Variants in SPSB1 observed in about 807,000 individuals in gnomAD.
SPSB1 encodes splA/ryanodine receptor domain and SOCS box containing 1.
A neutral mutation model predicts 21.2 loss-of-function variants in SPSB1; 8 were observed. The observed-to-expected ratio is 0.38, with a 90% CI of 0.22 to 0.68. SPSB1 has a LOEUF of 0.68. SPSB1 is among the 30% of genes least tolerant of loss of function. The probability of loss-of-function intolerance (pLI) is 0.53; values close to 1 mark genes in which losing one functional copy is unlikely to be tolerated. For synonymous variants in SPSB1, 169 were observed against 161.7 expected, an observed-to-expected ratio of 1.05 and a Z score of -0.34; for missense variants, 242 against 377.8, an observed-to-expected ratio of 0.64 and a Z score of 2.98.
rs1319582703 is a variant in SPSB1, at chr1:9,345,458, C to T, written c.-149-10285C>T. Among the ~76,000 whole-genome samples, 2 of 152,140 alleles carry T rather than the reference C, an allele frequency of 1.3e-5. No homozygotes were observed. Among genetic ancestry groups the T allele is most frequent in the Non-Finnish European group, 2.9e-5 (2 of 68,042 alleles). On this transcript the variant is annotated intron_variant, in intron 1 of 2. Coordinates refer to ENST00000328089, the MANE Select transcript of SPSB1 (RefSeq NM_025106.4). The surrounding 1 kb of genome is among the most constrained non-coding windows in gnomAD (Gnocchi z 4.8). ...ATAGTCCACGTTTTATTCCTCTTGC[C>T]GTGGGAGGGCATGTCTGCTGCTGTC...
chr1:9,310,708 A>G (rs1639503873), intron 1 of SPSB1, among the ~76,000 whole-genome samples: 1 of 150,856 alleles, frequency 6.6e-6, no homozygotes, highest in Non-Finnish European at 1.5e-5. Flanking sequence ...AAAAAAAAAA[A>G]GAGAGACCTG....
chr1:9,319,968 C>T (rs890856294), intron 1 of SPSB1, among the ~76,000 whole-genome samples: 1 of 152,078 alleles, frequency 6.6e-6, no homozygotes, highest in Non-Finnish European at 1.5e-5. Context: ...CAGGCCTGGT[C>T]CCTGGGGTCA....
At chr1:9,298,625 G>C (rs1557443233) in intron 1 of SPSB1, among the ~76,000 whole-genome samples, 1 of 152,178 alleles carries the variant, frequency 6.6e-6, no homozygotes, top group Non-Finnish European at 1.5e-5. Flanking sequence ...ATTGTTCGGG[G>C]ATAACTGGTT....
intron 2 of SPSB1, among the ~76,000 whole-genome samples, chr1:9,357,196 G>A (rs147668996): frequency 2.5e-4 from 37 of 150,662 alleles, no homozygotes; most frequent in African/African-American, 8.0e-4. Context: ...TGGATGGATG[G>A]ATGGGTGGAT....
intron 2 of SPSB1, among the ~76,000 whole-genome samples, chr1:9,361,836 A>C (rs1640485885): frequency 6.6e-6 from 1 of 151,854 alleles, no homozygotes; most frequent in Non-Finnish European, 1.5e-5. Flanking sequence ...CCTGCCCGCC[A>C]CCCTCCCTGG....
intron 1 of SPSB1, among the ~76,000 whole-genome samples, chr1:9,353,117 G>C (rs916604817): frequency 1.3e-5 from 2 of 152,110 alleles, no homozygotes; most frequent in African/African-American, 4.8e-5. Context: ...GCTGGAGGGG[G>C]TGTCCAGACA....
intron 2 of SPSB1, among the ~76,000 whole-genome samples, chr1:9,362,566 G>C (rs1306824877): frequency 6.6e-6 from 1 of 152,360 alleles, no homozygotes; most frequent in East Asian, 1.9e-4. Flanking sequence ...GCGGAAGCCG[G>C]GGCATTCTCT....
At chr1:9,331,892 C>T (rs1293765022) in intron 1 of SPSB1, among the ~76,000 whole-genome samples, 2 of 152,194 alleles carry the variant, frequency 1.3e-5, no homozygotes, top group East Asian at 1.9e-4. Context: ...AGTTTACTTA[C>T]TGTTTGCATT....
At chr1:9,323,642 G>C (rs1639762078) in intron 1 of SPSB1, among the ~76,000 whole-genome samples, 1 of 152,236 alleles carries the variant, frequency 6.6e-6, no homozygotes, top group South Asian at 2.1e-4. Context: ...CCTGCATGGA[G>C]ATGGTCTTGC....
At chr1:9,358,173 G>A (rs954084058) in intron 2 of SPSB1, among the ~76,000 whole-genome samples, 7 of 152,192 alleles carry the variant, frequency 4.6e-5, no homozygotes, top group Non-Finnish European at 5.9e-5. Flanking sequence ...GGAAAGTGTC[G>A]GGGTGGTTAG....
intron 1 of SPSB1, among the ~76,000 whole-genome samples, chr1:9,339,802 C>T (rs1640060476): frequency 6.6e-6 from 1 of 152,156 alleles, no homozygotes; most frequent in Non-Finnish European, 1.5e-5. Context: ...GTGCCCTGCC[C>T]CCCATTCTTG....
rs78544625 is a variant in SPSB1 at position 9,339,413 on chromosome 1, G to A, written c.-149-16330G>A. The A allele has an allele frequency of 5.4e-4, 346 of 639,154 alleles. 1 individual carries two copies. In the African/African-American group the frequency reaches 6.2e-3, roughly 11 times the overall value. The allele number at this position is 639,154 out of a possible 1,614,324, so 39.6% of individuals were successfully genotyped here. On this transcript the variant is annotated intron_variant, in intron 1 of 2. Transcript: ENST00000328089. ...GGACCCAGGGTCCTCAGGTAATTCC[G>A]GGGCGAGTCTGGAGGCGACGGAGAG...
rs78678520 is a variant in SPSB1, at chr1:9,364,780, T to C, written c.695-2668T>C. Among the ~76,000 whole-genome samples, 1,385 of 152,320 alleles carry C rather than the reference T, an allele frequency of 9.1e-3. 9 individuals carry two copies. The highest frequency in any genetic ancestry group is 0.014 in the Non-Finnish European group (973 of 68,014). ...ATGGGGGATGAAGAGCAGTGGTCCC[T>C]CTTCTTTTGTTTATTTATTTTTTCA... On this transcript the variant is annotated intron_variant, in intron 2 of 2. Transcript: ENST00000328089.
chr1:9,335,871 CT>C (rs527976598), intron 1 of SPSB1, among the ~76,000 whole-genome samples: 69 of 122,548 alleles, frequency 5.6e-4, no homozygotes, highest in African/African-American at 2.4e-3. Context: ...GGACGATGAT[CT>C]TTGGAGTTTT....
intron 1 of SPSB1, among the ~76,000 whole-genome samples, chr1:9,307,073 A>ATG (rs1553123914): frequency 3.3e-5 from 5 of 151,790 alleles, no homozygotes; most frequent in Non-Finnish European, 7.4e-5. Flanking sequence ...GATTACAGGC[A>ATG]CGTGCCACCA....
rs1450298484 is a variant in SPSB1, at chr1:9,356,904, C to T, written c.694+319C>T. On this transcript the variant is annotated intron_variant, in intron 2 of 2. Coordinates refer to ENST00000328089, the MANE Select transcript of SPSB1 (RefSeq NM_025106.4). This position sits in a 1 kb window ranked among gnomAD's most constrained non-coding sequence, Gnocchi z 7.4. ...TAGATGAGTGAATAATGGATGGATG[C>T]GTGTATAATGAATTGATGGATGAAT... is the stretch of plus-strand genomic sequence containing the variant. Among the ~76,000 whole-genome samples, 2 of 151,256 alleles carry T rather than the reference C, an allele frequency of 1.3e-5. No individual in the cohort carries two copies. Among genetic ancestry groups the T allele is most frequent in the African/African-American group, 2.4e-5 (1 of 41,054 alleles).
intron 2 of SPSB1, among the ~76,000 whole-genome samples, chr1:9,361,974 A>G (rs952410011): frequency 6.6e-6 from 1 of 152,216 alleles, no homozygotes; most frequent in Non-Finnish European, 1.5e-5. Context: ...GGCATCTTCC[A>G]TGCAGTTCAG....
At chr1:9,309,311 TGTGTGTGTGTGTGTGTGTGTGTGA>T (rs1639478314) in intron 1 of SPSB1, among the ~76,000 whole-genome samples, 1 of 136,404 alleles carries the variant, frequency 7.3e-6, no homozygotes, top group African/African-American at 2.9e-5. Flanking sequence ...AGTGTGTGTG[TGTGTGTGTGTGTGTGTGTGTGTGA>T]GTGACAGATT....
At chr1:9,335,362 TGTG>T (rs1314269183) in intron 1 of SPSB1, among the ~76,000 whole-genome samples, 2 of 151,282 alleles carry the variant, frequency 1.3e-5, no homozygotes, top group Admixed American at 6.6e-5. Context: ...ATTAACCAGG[TGTG>T]GTGGTGAGCA....
Sources: gnomAD v4.1 joint callset for allele counts (sites outside exome capture counted in the v4.1 genomes callset) on GRCh38, gnomAD v4.1.1 for gene constraint, Gnocchi (gnomAD v3.1) non-coding constraint, MANE v1.5 for transcripts, NCBI Gene and HGNC (gene_info 2026-07-23, HGNC 2026-07-21) for gene names.